FSIP2: variants seen among roughly 807,000 people sequenced by gnomAD.
FSIP2 encodes fibrous sheath-interacting protein 2.
FSIP2 carries 367 observed loss-of-function variants against 510.5 expected under a neutral mutation model. The observed-to-expected ratio is 0.72, with a 90% confidence interval of 0.66 to 0.78. FSIP2 has a LOEUF of 0.78. Ranked by LOEUF, FSIP2 falls within the 30% of genes least tolerant of loss-of-function variation. The pLI is 0.00. For missense variants in FSIP2, 7,594 were observed against 7,901.7 expected, an observed-to-expected ratio of 0.96 and a Z score of 1.48; for synonymous variants, 2,601 against 2,732.2, an observed-to-expected ratio of 0.95 and a Z score of 1.50.
At chr2:185,740,424 G>A (rs984663726) in intron 2 of FSIP2, 1 of 152,148 alleles carries the variant, frequency 6.6e-6, no homozygotes, top group Admixed American at 6.5e-5. Flanking sequence ...TGCTGAAGGA[G>A]GTTTAGTACA....
At chr2:185,824,933 T>G (rs1693989510) in intron 20 of FSIP2, among the ~76,000 whole-genome samples, 2 of 151,858 alleles carry the variant, frequency 1.3e-5, no homozygotes, top group African/African-American at 2.4e-5. Context: ...TTTTGTTTAT[T>G]CAATCTCTAA....
chr2:185,756,283 T>C lies in FSIP2; in HGVS notation c.1078+5T>C, dbSNP rs144899704. 7.2e-6 allele frequency: 8 copies of C among 1,111,044 alleles called. No individual in the cohort carries two copies. The highest frequency in any genetic ancestry group is 2.1e-4 in the Middle Eastern group (1 of 4,824). 68.8% of individuals were successfully genotyped at this position (1,111,044 alleles called of 1,614,324 possible). A position where few individuals can be genotyped will look rare whatever the true frequency, so the allele number is the denominator to read the frequency against. On this transcript the variant is annotated splice_donor_5th_base_variant and intron_variant, in intron 9 of 22. Transcript: ENST00000424728. The stretch of plus-strand genomic sequence containing the variant: ...ATACATATAAAGAAACACATGGTAA[T>C]TGAATATTGTGACAAGAAACACTAG...
In FSIP2 at chr2:185,806,228, C is replaced by T. The variant is rs1693572757; in HGVS notation, c.16922C>T (p.Thr5641Ile). 7.5e-6 allele frequency: 12 copies of T among 1,609,292 alleles called. No homozygotes were observed. Among genetic ancestry groups the T allele is most frequent in the Non-Finnish European group, 1.0e-5 (12 of 1,177,670 alleles). The change falls in exon 17 of 23, where the codon ACA becomes ATA. Residue 5641 changes from threonine (T) to isoleucine (I), a missense_variant. Transcript: ENST00000424728. ...SLKSKRNLGT[T>I]TDTLEIRIRT... ...AAGTCCAAGAGAAATCTAGGGACTA[C>T]AACAGATACTTTGGAAATAAGAATT...
chr2:185,758,615 G>A (rs1692291900), intron 9 of FSIP2, among the ~76,000 whole-genome samples: 1 of 150,982 alleles, frequency 6.6e-6, no homozygotes, highest in African/African-American at 2.4e-5. Context: ...TAACACCTCT[G>A]GCCAGTGGAA....
chr2:185,773,005 C>T (rs985017164), intron 13 of FSIP2, among the ~76,000 whole-genome samples: 4 of 152,068 alleles, frequency 2.6e-5, no homozygotes, highest in South Asian at 2.1e-4. Context: ...AGACTACAGA[C>T]ACATGCCACC....
chr2:185,806,221 G>A lies in FSIP2; in HGVS notation c.16915G>A (p.Gly5639Arg). 1 of 1,606,376 alleles carries A rather than the reference G, an allele frequency of 6.2e-7. No individual in the cohort carries two copies. Among genetic ancestry groups the A allele is most frequent in the Non-Finnish European group, 8.5e-7 (1 of 1,176,756 alleles). The change falls in exon 17 of 23, where the codon GGG (glycine) becomes AGG (arginine). Residue 5639 changes from glycine to arginine, a missense_variant. Gly to Arg is a moderately radical substitution (Grantham distance 125). Coordinates refer to ENST00000424728, the MANE Select transcript of FSIP2 (RefSeq NM_173651.4). ...CTCCTTGAAGTCCAAGAGAAATCTA[G>A]GGACTACAACAGATACTTTGGAAAT... is the stretch of plus-strand genomic sequence containing the variant. The part of the protein sequence containing the change: ...LSSLKSKRNL[G>R]TTTDTLEIRI...
Position 185,801,165 on chromosome 2 carries a change from T to G in FSIP2, c.11859T>G (p.Asp3953Glu), listed in dbSNP as rs1436221653. Residue 3953 changes from aspartate (D) to glutamate (E), a missense_variant, in exon 17 of 23, where the codon GAT becomes GAG. Transcript: ENST00000424728. ...AAAGACAGAGAACAAAGGAAATGGATAAGGTAGCCATTCATAATAAGCTAC... is the reference window on the plus strand; with the variant it reads ...AAAGACAGAGAACAAAGGAAATGGAGAAGGTAGCCATTCATAATAAGCTAC... ...PFERQRTKEM[D>E]KVAIHNKLHQ... 1.3e-6 allele frequency: 2 copies of G among 1,534,050 alleles called. No individual in the cohort carries two copies. Among genetic ancestry groups the G allele is most frequent in the East Asian group, 4.9e-5 (2 of 40,812 alleles).
At chr2:185,764,174 A>G (rs555132406) in intron 12 of FSIP2, among the ~76,000 whole-genome samples, 4 of 151,702 alleles carry the variant, frequency 2.6e-5, no homozygotes, top group African/African-American at 7.2e-5. Flanking sequence ...ATTGCCATCC[A>G]TATTAAATCT....
intron 13 of FSIP2, among the ~76,000 whole-genome samples, chr2:185,768,405 A>T (rs990793618): frequency 1.3e-4 from 20 of 152,026 alleles, no homozygotes; most frequent in African/African-American, 4.3e-4. Context: ...CCTTATGTTT[A>T]TATCTTTAAT....
chr2:185,741,158 C>G (rs1005994271), intron 2 of FSIP2, among the ~76,000 whole-genome samples: 1 of 152,170 alleles, frequency 6.6e-6, no homozygotes, highest in African/African-American at 2.4e-5. Context: ...TGTCTCCTCC[C>G]TTAAATATAT....
chr2:185,809,856 A>T (rs1459617140), intron 17 of FSIP2, among the ~76,000 whole-genome samples: 1 of 152,038 alleles, frequency 6.6e-6, no homozygotes, highest in Non-Finnish European at 1.5e-5. Flanking sequence ...CAAATATTTT[A>T]ACCGGGAATT....
Position 185,794,521 on chromosome 2 carries a change from T to A in FSIP2, c.7385T>A (p.Ile2462Lys). 3 of 1,528,382 alleles carry A rather than the reference T, an allele frequency of 2.0e-6. No individual in the cohort carries two copies. Among genetic ancestry groups the A allele is most frequent in the East Asian group, 2.5e-5 (1 of 40,772 alleles). 94.7% of individuals were successfully genotyped at this position (1,528,382 alleles called of 1,614,324 possible). A position where few individuals can be genotyped will look rare whatever the true frequency, so the allele number is the denominator to read the frequency against. The change falls in exon 16 of 23, where the codon ATA becomes AAA. Residue 2462 changes from isoleucine to lysine, a missense_variant. Ile to Lys is a moderately radical substitution (Grantham distance 102, BLOSUM62 -3). Transcript: ENST00000424728. The stretch of plus-strand genomic sequence containing the variant: ...ATGATATTGGAAAACAAAAGGCAGA[T>A]AATTGTTTTGGAAGAAATATTTATG... ...NQMILENKRQIIVLEEIFMRN... is the reference protein window; with the variant it reads ...NQMILENKRQKIVLEEIFMRN...
In FSIP2 at chr2:185,791,752, G is replaced by T; in HGVS notation, c.4616G>T (p.Ser1539Ile). ...GCCAAATCCACCAAAATAATCTCCA[G>T]CATAGTTTCCAGAAGGGTTCAGGAG... ...KMAKSTKIISSIVSRRVQEDN... is the reference protein window; with the variant it reads ...KMAKSTKIISIIVSRRVQEDN... The change falls in exon 16 of 23, where the codon AGC (serine) becomes ATC (isoleucine). Residue 1539 changes from serine (S) to isoleucine (I), a missense_variant. Physicochemically the swap from Ser to Ile is moderately radical, Grantham distance 142. Transcript: ENST00000424728. 6.5e-7 allele frequency: 1 copy of T among 1,534,546 alleles called. No individual in the cohort carries two copies. The highest frequency in any genetic ancestry group is 2.4e-5 in the East Asian group (1 of 40,846).
At chr2:185,819,838 GTATGA>G (rs80018220) in intron 19 of FSIP2, among the ~76,000 whole-genome samples, 81,908 of 150,974 alleles carry the variant, frequency 0.54, 22,409 homozygotes, top group South Asian at 0.64. Flanking sequence ...CATTTTCAAT[GTATGA>G]TATTTTCCAT....
chr2:185,808,275 C>T lies in FSIP2; in HGVS notation c.18969C>T (p.Ile6323=), dbSNP rs185815344. The T allele has an allele frequency of 4.6e-5, 73 of 1,601,140 alleles. No homozygotes were observed. In the African/African-American group the frequency reaches 7.7e-4, roughly 17 times the overall value. Residue 6323 remains isoleucine, a synonymous_variant, in exon 17 of 23, where the codon ATC becomes ATT. Transcript: ENST00000424728. The part of the protein sequence containing the change: ...LEAVKIMEKV[I]KIIDELKSKE... ...CTGTCAAAATTATGGAAAAAGTGAT[C>T]AAAATTATTGATGAACTTAAGTCTA...
At chr2:185,745,653 T>A in intron 5 of FSIP2, 85 bp downstream of exon 5, 1 of 1,185,314 alleles carries the variant, frequency 8.4e-7, no homozygotes, top group Non-Finnish European at 1.2e-6. Flanking sequence ...GAAGACAATT[T>A]AAGTACTGGA....
rs757398534 is a variant in FSIP2 at position 185,806,919 on chromosome 2, A to C, written c.17613A>C (p.Lys5871Asn). 2.0e-5 allele frequency: 32 copies of C among 1,611,404 alleles called. No individual in the cohort carries two copies. Among genetic ancestry groups the C allele is most frequent in the Non-Finnish European group, 2.5e-5 (30 of 1,178,746 alleles). Residue 5871 changes from lysine to asparagine, a missense_variant, in exon 17 of 23, where the codon AAA becomes AAC. Physicochemically the swap from Lys to Asn is moderately conservative, Grantham distance 94. Transcript: ENST00000424728. ...TTCCTAAAGTACCTCCAAGGTATAA[A>C]GAGCCAACTACAGATGAAGCACCAT... ...SSVPKVPPRY[K>N]EPTTDEAPSS...
intron 21 of FSIP2, among the ~76,000 whole-genome samples, chr2:185,829,668 G>T (rs1464832623): frequency 6.6e-6 from 1 of 151,950 alleles, no homozygotes; most frequent in East Asian, 1.9e-4. Flanking sequence ...AACTCTGAAA[G>T]AAAATTCTTC....
chr2:185,765,306 T>TA (rs1483371653), intron 13 of FSIP2: 1 of 152,056 alleles, frequency 6.6e-6, no homozygotes, highest in Non-Finnish European at 1.5e-5. Flanking sequence ...TTCATGTAGT[T>TA]ACTATTTGTG....
Sources: gnomAD v4.1 joint callset for allele counts (sites outside exome capture counted in the v4.1 genomes callset) on GRCh38, gnomAD v4.1.1 for gene constraint, MANE v1.5 for transcripts, NCBI Gene and HGNC (gene_info 2026-07-23, HGNC 2026-07-21) for gene names.